The following VRK2 variants were observed in gnomAD, a reference collection of about 807,000 sequenced individuals.
VRK2 encodes VRK serine/threonine kinase 2, also known as serine/threonine-protein kinase VRK2.
VRK2 carries 60 observed loss-of-function variants against 57.6 expected under a neutral mutation model. The ratio of observed to expected loss-of-function variants is 1.04; its 90% CI spans 0.85 to 1.29. VRK2 has a LOEUF of 1.29. Among genes scored for constraint, VRK2 ranks in the 50% most tolerant of loss-of-function variants. VRK2 has a pLI of 0.00. For synonymous variants in VRK2, 231 were observed against 199.2 expected (o/e 1.16, Z -1.35); for missense variants, 705 against 588.1 (o/e 1.20, Z -2.06).
chr2:57,917,658 G>C (rs1572857459), intron 1 of VRK2, among the ~76,000 whole-genome samples: 1 of 151,392 alleles, frequency 6.6e-6, no homozygotes, highest in East Asian at 1.9e-4. Context: ...AACTTTTCCA[G>C]GGTAGCATAC....
chr2:58,029,290 C>A (rs563404399), intron 2 of VRK2, among the ~76,000 whole-genome samples: 7 of 152,082 alleles, frequency 4.6e-5, no homozygotes, highest in African/African-American at 1.4e-4. Context: ...TTTTCTTCTA[C>A]CTTCACCATC....
At chr2:58,026,413 A>G (rs1292329286) in intron 2 of VRK2, among the ~76,000 whole-genome samples, 1 of 152,136 alleles carries the variant, frequency 6.6e-6, no homozygotes, top group African/African-American at 2.4e-5. Context: ...ATGTTTAACT[A>G]AGAAAAGTTA....
At chr2:57,973,487 G>A (rs1401483256) in intron 1 of VRK2, among the ~76,000 whole-genome samples, 1 of 151,632 alleles carries the variant, frequency 6.6e-6, no homozygotes, top group Non-Finnish European at 1.5e-5. Flanking sequence ...CATGCCTTTG[G>A]ATTTTTTCAC....
chr2:57,942,211 T>A (rs911250171), intron 1 of VRK2, among the ~76,000 whole-genome samples: 2 of 152,220 alleles, frequency 1.3e-5, no homozygotes, highest in Non-Finnish European at 2.9e-5. Context: ...ACAGAAAATG[T>A]GTTTTACTGA....
At chr2:58,000,096 GCATT>G (rs1673047268) in intron 1 of VRK2, among the ~76,000 whole-genome samples, 1 of 152,018 alleles carries the variant, frequency 6.6e-6, no homozygotes, top group Non-Finnish European at 1.5e-5. Context: ...TTTCCCCCAT[GCATT>G]CAATTATTTC....
intron 2 of VRK2, among the ~76,000 whole-genome samples, chr2:58,074,350 G>C (rs942504704): frequency 1.3e-5 from 2 of 151,806 alleles, no homozygotes; most frequent in Non-Finnish European, 2.9e-5. Context: ...TATTTGTTAT[G>C]CTTGTTCTTT....
At chr2:58,057,866 A>G (rs1676759965) in intron 2 of VRK2, among the ~76,000 whole-genome samples, 1 of 152,088 alleles carries the variant, frequency 6.6e-6, no homozygotes, top group Non-Finnish European at 1.5e-5. Context: ...TATCAGGCAG[A>G]CAATGTCTTC....
rs368885417 is a variant in VRK2, at chr2:58,100,333, A to G, written c.543+10610A>G. The stretch of plus-strand genomic sequence containing the variant: ...ATAAAATTTAGTTTTAATCACTTCT[A>G]TATATAAACAATATAAAATTTACTT... On this transcript the variant is annotated intron_variant, in intron 7 of 12. Coordinates refer to ENST00000340157, the MANE Select transcript of VRK2 (RefSeq NM_006296.7). 3.4e-4 allele frequency among the ~76,000 whole-genome samples: 52 copies of G among 152,136 alleles called. No homozygotes were observed. The South Asian group carries it at 9.5e-3, about 28-fold the overall frequency.
intron 1 of VRK2, among the ~76,000 whole-genome samples, chr2:58,000,716 G>C (rs373738029): frequency 1.3e-5 from 2 of 152,142 alleles, no homozygotes; most frequent in Admixed American, 6.5e-5. Context: ...TGACAAAACA[G>C]TTGCTCATTA....
intron 1 of VRK2, among the ~76,000 whole-genome samples, chr2:57,939,202 T>C (rs1272301718): frequency 6.6e-6 from 1 of 152,168 alleles, no homozygotes; most frequent in East Asian, 1.9e-4. Flanking sequence ...TTTACACCAC[T>C]TTATTTAAGC....
At chr2:57,963,234 T>C (rs1425650649) in intron 1 of VRK2, among the ~76,000 whole-genome samples, 1 of 152,202 alleles carries the variant, frequency 6.6e-6, no homozygotes, top group Non-Finnish European at 1.5e-5. Flanking sequence ...CATGCACTCC[T>C]AATTAGCATT....
chr2:58,156,897 G>C (rs1367070082), intron 12 of VRK2, among the ~76,000 whole-genome samples: 1 of 152,072 alleles, frequency 6.6e-6, no homozygotes, highest in Non-Finnish European at 1.5e-5. Context: ...CATCTCATTT[G>C]TAGTAGTTTT....
chr2:58,159,275 TACAC>T, intron 12 of VRK2, 70 bp from the exon 13 acceptor site: 1 of 1,178,038 alleles, frequency 8.5e-7, no homozygotes, highest in Non-Finnish European at 1.2e-6. Flanking sequence ...TTAGCATTCT[TACAC>T]ACTACACAAA....
upstream of VRK2, among the ~76,000 whole-genome samples, chr2:58,044,927 A>G (rs945693839): frequency 6.6e-6 from 1 of 152,184 alleles, no homozygotes; most frequent in Non-Finnish European, 1.5e-5. Flanking sequence ...TGAGGAGACC[A>G]GGGATACTGC....
At chr2:58,029,698 T>G (rs1263665820) in intron 2 of VRK2, among the ~76,000 whole-genome samples, 3 of 152,034 alleles carry the variant, frequency 2.0e-5, no homozygotes, top group Non-Finnish European at 4.4e-5. Flanking sequence ...ATTTGGGGGG[T>G]TTATTCTGTT....
chr2:58,066,969 C>T (rs1041865711), intron 2 of VRK2, among the ~76,000 whole-genome samples: 1 of 152,170 alleles, frequency 6.6e-6, no homozygotes, highest in Non-Finnish European at 1.5e-5. Flanking sequence ...GGTAGACCCA[C>T]CCTCAACCTG....
intron 7 of VRK2, among the ~76,000 whole-genome samples, chr2:58,095,314 A>G (rs935656042): frequency 6.6e-6 from 1 of 150,668 alleles, no homozygotes; most frequent in Admixed American, 6.6e-5. Context: ...AAAAAAAAAT[A>G]CTTGTTGGCA....
At chr2:57,984,158 C>T (rs190671096) in intron 1 of VRK2, among the ~76,000 whole-genome samples, 55 of 152,240 alleles carry the variant, frequency 3.6e-4, no homozygotes, top group South Asian at 1.9e-3. Flanking sequence ...AGAAAAAGTG[C>T]TGATGTATTG....
intron 1 of VRK2, among the ~76,000 whole-genome samples, chr2:57,921,434 T>C (rs1261211858): frequency 1.3e-5 from 2 of 152,008 alleles, no homozygotes; most frequent in Non-Finnish European, 2.9e-5. Context: ...AGTGATAGCC[T>C]TGTGTGGATC....
Sources: gnomAD v4.1 joint callset for allele counts (sites outside exome capture counted in the v4.1 genomes callset) on GRCh38, gnomAD v4.1.1 for gene constraint, MANE v1.5 for transcripts, NCBI Gene and HGNC (gene_info 2026-07-23, HGNC 2026-07-21) for gene names.